ZSCAN25: variants seen among roughly 807,000 people sequenced by gnomAD.
ZSCAN25 encodes zinc finger and SCAN domain containing 25.
ZSCAN25 carries 27 observed loss-of-function variants against 38.7 expected under a neutral mutation model. The observed-to-expected ratio is 0.70, with a 90% CI of 0.51 to 0.96. The LOEUF (loss-of-function observed/expected upper bound fraction) is 0.96. Ranked by LOEUF, ZSCAN25 falls within the 40% of genes least tolerant of loss-of-function variation. The pLI, the probability that ZSCAN25 is intolerant of heterozygous loss-of-function variation, is 0.00. For synonymous variants in ZSCAN25, 273 were observed against 277.7 expected, an observed-to-expected ratio of 0.98 and a Z score of 0.17; for missense variants, 637 against 705.9, an observed-to-expected ratio of 0.90 and a Z score of 1.11.
At chr7:99,647,365 T>G in the ZSCAN25 span, 2 of 447,704 alleles carry the variant, frequency 4.5e-6, no homozygotes, top group Non-Finnish European at 5.9e-6. Flanking sequence ...CCTAATGGCT[T>G]TAGTATTCAG....
In ZSCAN25 at chr7:99,630,803, G is replaced by A. The variant is rs1807940352; in HGVS notation, c.*783G>A. The A allele has an allele frequency of 2.0e-6, 2 of 985,228 alleles. No individual in the cohort carries two copies. Among genetic ancestry groups the A allele is most frequent in the Non-Finnish European group, 2.4e-6 (2 of 829,910 alleles). The allele number at this position is 985,228 out of a possible 1,614,324, so 61.0% of individuals were successfully genotyped here. ...ACAACTGTCAACACACCAACTATTA[G>A]GAAGTTAGTATTTTGCTATTGATCA... On this transcript the variant is annotated 3_prime_UTR_variant, in exon 8 of 8. Transcript: ENST00000394152.
chr7:99,661,453 A>G, the ZSCAN25 span, among the ~76,000 whole-genome samples: 1 of 152,360 alleles, frequency 6.6e-6, no homozygotes, highest in East Asian at 1.9e-4. Context: ...ACAAAAAGCC[A>G]GAAGCATGGT....
At chr7:99,685,316 G>T in the ZSCAN25 span, 1 of 1,554,504 alleles carries the variant, frequency 6.4e-7, no homozygotes, top group African/African-American at 1.4e-5. Flanking sequence ...AACAAAAAAT[G>T]TATTGCTGAC....
Position 99,619,877 on chromosome 7 carries a change from C to T in ZSCAN25, c.271C>T (p.Leu91Phe), listed in dbSNP as rs769423899. Residue 91 changes from leucine to phenylalanine, a missense_variant, in exon 4 of 8, where the codon CTC becomes TTC. Coordinates refer to ENST00000394152, the MANE Select transcript of ZSCAN25 (RefSeq NM_145115.3). ...GGAGCTGCTGGTGCTGGAGCAGTTC[C>T]TCACTATCCTGCCCCGCGAGTTCTA... The part of the protein sequence containing the change: ...ILELLVLEQF[L>F]TILPREFYAW... 5.0e-6 allele frequency: 8 copies of T among 1,614,106 alleles called. No homozygotes were observed. Among genetic ancestry groups the T allele is most frequent in the Non-Finnish European group, 6.8e-6 (8 of 1,180,054 alleles).
chr7:99,697,652 G>A, the ZSCAN25 span, among the ~76,000 whole-genome samples: 1 of 152,194 alleles, frequency 6.6e-6, no homozygotes, highest in African/African-American at 2.4e-5. Context: ...ACTTAAGGCA[G>A]TATAGGTTCC....
chr7:99,712,771 G>A, the ZSCAN25 span, among the ~76,000 whole-genome samples: 1 of 152,268 alleles, frequency 6.6e-6, no homozygotes, highest in African/African-American at 2.4e-5. Context: ...GGAATTTTGT[G>A]ACATGATTGC....
chr7:99,673,302 C>T, the ZSCAN25 span, among the ~76,000 whole-genome samples: 1 of 152,186 alleles, frequency 6.6e-6, no homozygotes, highest in Non-Finnish European at 1.5e-5. Context: ...CTCCCACTTG[C>T]TTCTAGTGAA....
At chr7:99,729,545 A>G in the ZSCAN25 span, among the ~76,000 whole-genome samples, 1 of 152,240 alleles carries the variant, frequency 6.6e-6, no homozygotes, top group African/African-American at 2.4e-5. Flanking sequence ...GTGTACATCC[A>G]GATGGCCTGA....
At chr7:99,621,291 C>G (rs1806930898) in intron 4 of ZSCAN25, 82 bp from the exon 5 acceptor site, 1 of 1,224,094 alleles carries the variant, frequency 8.2e-7, no homozygotes, top group South Asian at 3.2e-5. Context: ...TTTCTTGGTT[C>G]TCTTTTTAGA....
the ZSCAN25 span, chr7:99,720,716 G>A: frequency 6.4e-6 from 2 of 311,362 alleles, no homozygotes; most frequent in South Asian, 4.2e-5. Context: ...GCTGGGTGGT[G>A]CATACATGGG....
chr7:99,687,728 C>T, the ZSCAN25 span, among the ~76,000 whole-genome samples: 1 of 152,032 alleles, frequency 6.6e-6, no homozygotes, highest in Non-Finnish European at 1.5e-5. Flanking sequence ...GTCAGATTCA[C>T]CAAAGTTGAA....
chr7:99,636,267 A>G (rs1808280178), downstream of ZSCAN25, among the ~76,000 whole-genome samples: 1 of 152,126 alleles, frequency 6.6e-6, no homozygotes, highest in South Asian at 2.1e-4. Flanking sequence ...GTGTTCTTAG[A>G]TGTGTTTATT....
Position 99,629,480 on chromosome 7 carries a change from G to T in ZSCAN25, c.1095G>T (p.Arg365Ser). 1 of 1,614,222 alleles carries T rather than the reference G, an allele frequency of 6.2e-7. No homozygotes were observed. Among genetic ancestry groups the T allele is most frequent in the East Asian group, 2.2e-5 (1 of 44,884 alleles). The part of the protein sequence containing the change: ...KGFSRSSNLV[R>S]HQRTHEEKSY... ...TCAGTCGGAGCTCCAATCTCGTCAG[G>T]CACCAGCGAACCCACGAAGAGAAGT... The change falls in exon 8 of 8, where the codon AGG becomes AGT. Residue 365 changes from arginine to serine, a missense_variant. Arg to Ser is a moderately radical substitution (Grantham distance 110). Transcript: ENST00000394152. This position sits in a 1 kb window ranked among gnomAD's most constrained non-coding sequence, Gnocchi z 5.6.
At chr7:99,705,871 T>C in the ZSCAN25 span, among the ~76,000 whole-genome samples, 1 of 152,232 alleles carries the variant, frequency 6.6e-6, no homozygotes, top group Non-Finnish European at 1.5e-5. Context: ...ACCCGTGTTC[T>C]TTTTTGATTT....
chr7:99,733,867 G>A, the ZSCAN25 span, among the ~76,000 whole-genome samples: 1 of 152,182 alleles, frequency 6.6e-6, no homozygotes. Flanking sequence ...ATTTGAAATG[G>A]GGGTATTAAA....
chr7:99,665,351 C>T, the ZSCAN25 span: 1 of 1,612,300 alleles, frequency 6.2e-7, no homozygotes, highest in African/African-American at 1.3e-5. Context: ...AAAATCAGCA[C>T]CTCTTACCGT....
chr7:99,686,866 C>G, the ZSCAN25 span, among the ~76,000 whole-genome samples: 1 of 152,196 alleles, frequency 6.6e-6, no homozygotes, highest in Non-Finnish European at 1.5e-5. Context: ...ATCTGCTGTT[C>G]TACAGCCACT....
At position 99,631,828 on chromosome 7, in the gene ZSCAN25, C is replaced by G. The variant is rs969686603; in HGVS notation, c.*1808C>G. ...TGCACTGACTGGGTCGTAAATGTAT[C>G]TGAGATGTCCACACGGGGCTGCTGC... On this transcript the variant is annotated 3_prime_UTR_variant, in exon 8 of 8. Coordinates refer to ENST00000394152, the MANE Select transcript of ZSCAN25 (RefSeq NM_145115.3). 3.0e-6 allele frequency: 3 copies of G among 985,354 alleles called. No individual in the cohort carries two copies. The African/African-American group carries it at 5.2e-5, about 17-fold the overall frequency. The allele number at this position is 985,354 out of a possible 1,614,324, so 61.0% of individuals were successfully genotyped here. A position where few individuals can be genotyped will look rare whatever the true frequency, so the allele number is the denominator to read the frequency against.
chr7:99,627,941 G>A (rs1246000871), intron 7 of ZSCAN25, among the ~76,000 whole-genome samples: 3 of 151,874 alleles, frequency 2.0e-5, no homozygotes, highest in African/African-American at 4.8e-5. Context: ...TGCTGTTTAC[G>A]TGGTTGGGTT....
Sources: allele counts gnomAD v4.1 joint callset (sites outside exome capture counted in the v4.1 genomes callset), GRCh38; gene constraint gnomAD v4.1.1; non-coding constraint Gnocchi (gnomAD v3.1); transcripts MANE v1.5; gene names NCBI Gene and HGNC (gene_info 2026-07-23, HGNC 2026-07-21).